The following POLR3E variants were observed in gnomAD, a reference collection of about 807,000 sequenced individuals.
POLR3E encodes the protein DNA-directed RNA polymerase III subunit RPC5.
In POLR3E, 41 loss-of-function variants were observed where a neutral mutation model predicts 96.6. That is an observed-to-expected ratio of 0.42 (90% confidence interval 0.33 to 0.55). The LOEUF (loss-of-function observed/expected upper bound fraction) is 0.55, where lower values mean the gene tolerates loss of function less well. Among genes scored for constraint, POLR3E ranks in the 20% least tolerant of loss-of-function variants. The pLI, the probability that POLR3E is intolerant of heterozygous loss-of-function variation, is 0.06. For missense variants in POLR3E, 849 were observed against 952.1 expected, an observed-to-expected ratio of 0.89 and a Z score of 1.43; for synonymous variants, 396 against 383.6, an observed-to-expected ratio of 1.03 and a Z score of -0.38.
intron 9 of POLR3E, among the ~76,000 whole-genome samples, chr16:22,315,957 G>A (rs887265748): frequency 6.6e-6 from 1 of 152,022 alleles, no homozygotes; most frequent in South Asian, 2.1e-4. Context: ...CGTGAGCCAC[G>A]ACCACCTGGC....
In POLR3E at chr16:22,317,143, C is replaced by T. The variant is rs2048373109; in HGVS notation, c.802C>T (p.Leu268=). ...CAAGCCTGTGGCCCCCAGCAACGTC[C>T]TGTCGATGGCCCAGCTGCGCACGCT... ...KDKPVAPSNV[L]SMAQLRTLPL... The change falls in exon 12 of 21, where the codon CTG becomes TTG. Residue 268 remains leucine, a synonymous_variant. Coordinates refer to ENST00000299853, the MANE Select transcript of POLR3E (RefSeq NM_018119.4). The T allele has an allele frequency of 6.2e-7, 1 of 1,614,176 alleles. No homozygotes were observed.
chr16:22,309,061 CT>C, intron 5 of POLR3E, 21 bp downstream of exon 5: 1 of 1,555,750 alleles, frequency 6.4e-7, no homozygotes, highest in Non-Finnish European at 8.9e-7. Flanking sequence ...GGCCCCAAGC[CT>C]GTCCGGTTTC....
intron 20 of POLR3E, among the ~76,000 whole-genome samples, 190 bp from the exon 21 acceptor site, chr16:22,333,454 A>G (rs2048786506): frequency 7.0e-6 from 1 of 142,832 alleles, no homozygotes; most frequent in Non-Finnish European, 1.5e-5. Context: ...CTCTGTTTCA[A>G]AAAAAAAAAA....
Position 22,307,432 on chromosome 16 carries a change from C to T in POLR3E, c.88-716C>T, listed in dbSNP as rs1361103621. 5.3e-5 allele frequency among the ~76,000 whole-genome samples: 8 copies of T among 152,314 alleles called. No individual in the cohort carries two copies. In the South Asian group the frequency reaches 1.2e-3, roughly 24 times the overall value. On this transcript the variant is annotated intron_variant, in intron 3 of 20. Transcript: ENST00000299853. ...CCATACCTCCACCAGGCTCATTCTA[C>T]AGGCTGTCATGAGACCAGGCAGAGC...
At chr16:22,298,122 C>A (rs2047934757) in intron 1 of POLR3E, among the ~76,000 whole-genome samples, 1 of 152,230 alleles carries the variant, frequency 6.6e-6, no homozygotes, top group South Asian at 2.1e-4. Flanking sequence ...CGGATACAGC[C>A]CTGACCATTC....
In POLR3E at chr16:22,322,760, A is replaced by G; in HGVS notation, c.987-90A>G. The G allele has an allele frequency of 1.1e-6, 1 of 871,198 alleles. No homozygotes were observed. Among genetic ancestry groups the G allele is most frequent in the Non-Finnish European group, 1.9e-6 (1 of 533,838 alleles). The allele number at this position is 871,198 out of a possible 1,614,324, so 54.0% of individuals were successfully genotyped here. On this transcript the variant is annotated intron_variant, in intron 13 of 20. Transcript: ENST00000299853. The surrounding 1 kb of genome is among the most constrained non-coding windows in gnomAD (Gnocchi z 5.2). ...GGCCTGTACCCAGCCCACGGTGGAA[A>G]GAAGCATGGACTGGGGCTTGGCCGG...
intron 13 of POLR3E, among the ~76,000 whole-genome samples, chr16:22,320,420 C>T (rs1471507120): frequency 6.6e-6 from 1 of 152,134 alleles, no homozygotes; most frequent in Non-Finnish European, 1.5e-5. Flanking sequence ...TGCCACCACG[C>T]CCGGCTAATT....
rs753686071 is a variant in POLR3E at position 22,315,207 on chromosome 16, G to A, written c.641G>A (p.Arg214Lys). Residue 214 changes from arginine (R) to lysine (K), a missense_variant and splice_region_variant, in exon 9 of 21, where the codon AGG becomes AAG. Transcript: ENST00000299853. ...PWVHLHYYGLRDSRSEHERQY... is the reference protein window; with the variant it reads ...PWVHLHYYGLKDSRSEHERQY... ...GTCCACCTGCATTACTATGGCCTGA[G>A]GGTGAGCGGGGCTTCGTGGGGTCCT... The A allele has an allele frequency of 1.7e-5, 27 of 1,585,776 alleles. No individual in the cohort carries two copies. In the Middle Eastern group the frequency reaches 5.0e-4, roughly 29 times the overall value.
Position 22,333,830 on chromosome 16 carries a change from G to C in POLR3E, c.*130G>C, listed in dbSNP as rs914982619. 2.9e-6 allele frequency: 2 copies of C among 681,332 alleles called. No individual in the cohort carries two copies. The highest frequency in any genetic ancestry group is 3.5e-5 in the African/African-American group (2 of 56,474). 42.2% of individuals were successfully genotyped at this position (681,332 alleles called of 1,614,324 possible). ...TGACCATCTCATGACCTGTGGCATT[G>C]CACGGTGCAGTGGACAGAAGGGATT... On this transcript the variant is annotated 3_prime_UTR_variant, in exon 21 of 21. Coordinates refer to ENST00000299853, the MANE Select transcript of POLR3E (RefSeq NM_018119.4).
At chr16:22,329,772 A>C (rs1205923055) in intron 19 of POLR3E, among the ~76,000 whole-genome samples, 2 of 152,168 alleles carry the variant, frequency 1.3e-5, no homozygotes, top group Non-Finnish European at 2.9e-5. Context: ...CCTGACTGCC[A>C]CCCCTCAGAG....
chr16:22,315,547 T>C (rs542472227), intron 9 of POLR3E, among the ~76,000 whole-genome samples: 1 of 152,356 alleles, frequency 6.6e-6, no homozygotes, highest in African/African-American at 2.4e-5. Flanking sequence ...TCTCCGGTTC[T>C]GTCCTAGAGG....
intron 13 of POLR3E, among the ~76,000 whole-genome samples, chr16:22,321,902 C>G (rs1193166070): frequency 6.6e-6 from 1 of 152,188 alleles, no homozygotes. Context: ...GGAGACAATG[C>G]AAAATCCATG....
chr16:22,298,451 A>G (rs1288733190), intron 1 of POLR3E, among the ~76,000 whole-genome samples: 1 of 152,164 alleles, frequency 6.6e-6, no homozygotes, highest in East Asian at 1.9e-4. Flanking sequence ...CCTTCCCCGC[A>G]GGGGTCTGGA....
At chr16:22,328,937 C>G (rs1463214349) in intron 19 of POLR3E, 2 of 287,734 alleles carry the variant, frequency 7.0e-6, no homozygotes, top group East Asian at 1.9e-4. Flanking sequence ...ACCAGCCTGA[C>G]CAATATGGTG....
In POLR3E at chr16:22,326,174, C is replaced by T; in HGVS notation, c.1762C>T (p.His588Tyr). 2 of 1,614,064 alleles carry T rather than the reference C, an allele frequency of 1.2e-6. No individual in the cohort carries two copies. The highest frequency in any genetic ancestry group is 1.7e-6 in the Non-Finnish European group (2 of 1,180,016). Residue 588 changes from histidine to tyrosine, a missense_variant, in exon 18 of 21, where the codon CAC (histidine) becomes TAC (tyrosine). By Grantham distance (83) the His-to-Tyr change is moderately conservative (BLOSUM62 2). Transcript: ENST00000299853. ...LSELKRLFNL[H>Y]LASLPPGHTL... is the part of the protein sequence containing the mutation. ...CGAACTCAAGCGCCTCTTCAATCTG[C>T]ACTTGGCCAGCCTGCCCCCCGGCCA...
At position 22,303,639 on chromosome 16, in the gene POLR3E, C is replaced by CTTTTTTTTTTTTTTTTTTTTTTTTT. The variant is rs58949663; in HGVS notation, c.36+653_36+654insTTTTTTTTTTTTTTTTTTTTTTTTT. Among the ~76,000 whole-genome samples the CTTTTTTTTTTTTTTTTTTTTTTTTT allele has an allele frequency of 1.4e-4, 16 of 114,224 alleles. 2 individuals carry two copies. Among genetic ancestry groups the CTTTTTTTTTTTTTTTTTTTTTTTTT allele is most frequent in the African/African-American group, 7.7e-4 (16 of 20,798 alleles). 74.9% of individuals were successfully genotyped at this position (114,224 alleles called of 152,430 possible). A position where few individuals can be genotyped will look rare whatever the true frequency, so the allele number is the denominator to read the frequency against. The stretch of plus-strand genomic sequence containing the variant: ...TACAGGCAGTGGGAGGCAGATTTCC[C>CTTTTTTTTTTTTTTTTTTTTTTTTT]TTTTTTTTTTTTTTTTTTGGAGACA... On this transcript the variant is annotated intron_variant, in intron 2 of 20. Coordinates refer to ENST00000299853, the MANE Select transcript of POLR3E (RefSeq NM_018119.4).
At position 22,318,250 on chromosome 16, in the gene POLR3E, C is replaced by T. The variant is rs543406961; in HGVS notation, c.866-576C>T. On this transcript the variant is annotated intron_variant, in intron 12 of 20. Coordinates refer to ENST00000299853, the MANE Select transcript of POLR3E (RefSeq NM_018119.4). The surrounding 1 kb of genome is among the most constrained non-coding windows in gnomAD (Gnocchi z 5.0). ...CTGGGACTACAGGTGCCCGCCATCA[C>T]GCCCAGCTAATTTTTGTATTTTTAG... is the stretch of plus-strand genomic sequence containing the variant. 5.9e-5 allele frequency among the ~76,000 whole-genome samples: 9 copies of T among 152,268 alleles called. No homozygotes were observed. The highest frequency in any genetic ancestry group is 1.2e-4 in the African/African-American group (5 of 41,552).
chr16:22,302,846 C>T, intron 1 of POLR3E, 85 bp from the exon 2 acceptor site: 1 of 912,964 alleles, frequency 1.1e-6, no homozygotes, highest in South Asian at 1.4e-5. Context: ...GGCTCCCCCT[C>T]CCAGTGCAGG....
At chr16:22,307,818 C>T (rs973233254) in intron 3 of POLR3E, among the ~76,000 whole-genome samples, 1 of 152,206 alleles carries the variant, frequency 6.6e-6, no homozygotes, top group Non-Finnish European at 1.5e-5. Flanking sequence ...CCTGGACCCC[C>T]ATCCTCACCT....
Sources: allele counts gnomAD v4.1 joint callset (sites outside exome capture counted in the v4.1 genomes callset), GRCh38; gene constraint gnomAD v4.1.1; non-coding constraint Gnocchi (gnomAD v3.1); transcripts MANE v1.5; gene names NCBI Gene and HGNC (gene_info 2026-07-23, HGNC 2026-07-21).